The following CTNND1 variants were observed in gnomAD, a reference collection of about 807,000 sequenced individuals.
The protein encoded by CTNND1 is catenin delta-1.
Under a neutral mutation model 112.1 loss-of-function variants are expected in CTNND1, and 16 were observed. The ratio of observed to expected loss-of-function variants is 0.14; its 90% CI spans 0.10 to 0.22. CTNND1 has a LOEUF of 0.22. Ranked by LOEUF, CTNND1 falls within the 10% of genes least tolerant of loss-of-function variation. The pLI, the probability that CTNND1 is intolerant of heterozygous loss-of-function variation, is 1.00. For synonymous variants in CTNND1, 420 were observed against 446.5 expected (o/e 0.94, Z 0.75); for missense variants, 1,008 against 1,257.0 (o/e 0.80, Z 3.00).
intron 17 of CTNND1, among the ~76,000 whole-genome samples, chr11:57,812,915 C>T (rs149056439): frequency 3.8e-4 from 58 of 152,282 alleles, no homozygotes; most frequent in African/African-American, 1.3e-3. Flanking sequence ...AAAACGAATG[C>T]GATAAGCTTG....
intron 1 of CTNND1, among the ~76,000 whole-genome samples, chr11:57,785,550 G>T (rs576786): frequency 0.91 from 138,528 of 151,452 alleles, 64,045 homozygotes; most frequent in East Asian, 0.99. Flanking sequence ...TGATTTTTTT[G>T]TGTGTGTGTG....
chr11:57,783,216 G>T (rs977387613), intron 1 of CTNND1, among the ~76,000 whole-genome samples: 2 of 152,162 alleles, frequency 1.3e-5, no homozygotes, highest in African/African-American at 4.8e-5. Flanking sequence ...AACCTGGGAG[G>T]TGGAGGTTGC....
intron 6 of CTNND1, among the ~76,000 whole-genome samples, chr11:57,799,157 T>C (rs918350853): frequency 4.6e-5 from 7 of 152,216 alleles, no homozygotes; most frequent in Non-Finnish European, 8.8e-5. Flanking sequence ...TCAGGTGTCT[T>C]GGATAGCTAA....
chr11:57,805,001 C>T (rs754142430), intron 9 of CTNND1, among the ~76,000 whole-genome samples: 20 of 152,166 alleles, frequency 1.3e-4, no homozygotes, highest in African/African-American at 3.6e-4. Flanking sequence ...TGGGTTCAAG[C>T]GATTCTCATG....
At chr11:57,803,844 G>T in intron 8 of CTNND1, 40 bp downstream of exon 8, 3 of 1,427,978 alleles carry the variant, frequency 2.1e-6, no homozygotes, top group Non-Finnish European at 1.9e-6. Context: ...ATGAATTTTT[G>T]AGGACTGACT....
chr11:57,793,699 G>A (rs2061019964), intron 3 of CTNND1, among the ~76,000 whole-genome samples: 1 of 152,186 alleles, frequency 6.6e-6, no homozygotes, highest in African/African-American at 2.4e-5. Context: ...TTGAGCACCT[G>A]TTATGTGCCA....
At chr11:57,804,467 A>G (rs913351488) in intron 8 of CTNND1, among the ~76,000 whole-genome samples, 196 bp from the exon 9 acceptor site, 1 of 152,012 alleles carries the variant, frequency 6.6e-6, no homozygotes, top group Non-Finnish European at 1.5e-5. Context: ...ATTAATCCCT[A>G]CCCCACAGTG....
intron 6 of CTNND1, 142 bp from the exon 7 acceptor site, chr11:57,801,591 A>T: frequency 3.0e-6 from 2 of 661,578 alleles, no homozygotes; most frequent in Non-Finnish European, 5.2e-6. Context: ...ATTGATCAGT[A>T]TATTATTCAT....
At chr11:57,791,720 C>A (rs2060768465) in intron 3 of CTNND1, 47 bp downstream of exon 3, 3 of 1,475,786 alleles carry the variant, frequency 2.0e-6, no homozygotes, top group Non-Finnish European at 2.7e-6. Flanking sequence ...TTGGCATGGT[C>A]ACAGAGAGGC....
intron 19 of CTNND1, 90 bp downstream of exon 19, chr11:57,815,590 A>C (rs772833163): frequency 2.7e-6 from 3 of 1,112,708 alleles, no homozygotes; most frequent in East Asian, 4.7e-5. Flanking sequence ...AAGTACAGAG[A>C]AAGATCGCAT....
intron 6 of CTNND1, among the ~76,000 whole-genome samples, chr11:57,799,182 G>T (rs1014047627): frequency 6.6e-6 from 1 of 152,178 alleles, no homozygotes; most frequent in African/African-American, 2.4e-5. Context: ...ACTCCCATGT[G>T]ACTCATTTTT....
At chr11:57,780,071 T>TG (rs1555043139) in intron 1 of CTNND1, among the ~76,000 whole-genome samples, 3 of 129,186 alleles carry the variant, frequency 2.3e-5, no homozygotes, top group African/African-American at 8.4e-5. Flanking sequence ...TTTTTTTTTT[T>TG]GAGACAGGGT....
At chr11:57,767,441 G>C (rs949092625) in intron 1 of CTNND1, among the ~76,000 whole-genome samples, 1 of 152,088 alleles carries the variant, frequency 6.6e-6, no homozygotes, top group Non-Finnish European at 1.5e-5. Flanking sequence ...CATTTGCCTA[G>C]GTATCATTTG....
chr11:57,795,064 TGAGCCTGTA>T (rs1245793815), intron 4 of CTNND1, among the ~76,000 whole-genome samples: 3 of 152,050 alleles, frequency 2.0e-5, no homozygotes, highest in Non-Finnish European at 4.4e-5. Context: ...CATGGTGGCG[TGAGCCTGTA>T]GTTCTAGCTA....
chr11:57,803,020 A>T (rs1037427125), intron 7 of CTNND1, among the ~76,000 whole-genome samples: 2 of 152,206 alleles, frequency 1.3e-5, no homozygotes, highest in Non-Finnish European at 2.9e-5. Context: ...TCCTCATAAC[A>T]AAGAATCATC....
chr11:57,783,615 C>G (rs528561634), intron 1 of CTNND1, among the ~76,000 whole-genome samples: 1 of 151,398 alleles, frequency 6.6e-6, no homozygotes, highest in East Asian at 1.9e-4. Context: ...GCCGAGATCG[C>G]GCCACTGCAC....
intron 1 of CTNND1, among the ~76,000 whole-genome samples, chr11:57,780,053 T>C (rs2059405447): frequency 2.6e-5 from 2 of 75,954 alleles, no homozygotes; most frequent in Admixed American, 4.4e-4. Flanking sequence ...GGAACTAGAA[T>C]GACTTTTTTT....
intron 14 of CTNND1, among the ~76,000 whole-genome samples, chr11:57,809,051 T>C (rs2063036164): frequency 6.6e-6 from 1 of 152,212 alleles, no homozygotes; most frequent in South Asian, 2.1e-4. Context: ...ATTTACACTT[T>C]CAATGTGGTT....
At position 57,794,005 on chromosome 11, in the gene CTNND1, T is replaced by TTC. The variant is rs780381774; in HGVS notation, c.196-4_196-3dup. 6.2e-7 allele frequency: 1 copy of TTC among 1,613,996 alleles called. No homozygotes were observed. Among genetic ancestry groups the TTC allele is most frequent in the Admixed American group, 1.7e-5 (1 of 60,024 alleles). ...TGAATTGTCTTCTTGTGGGCTGTGTTTCAGAACGGCCGGTTTGTGGGCGAT... is the reference window on the plus strand; with the variant it reads ...TGAATTGTCTTCTTGTGGGCTGTGTTTCTCAGAACGGCCGGTTTGTGGGCGAT... On this transcript the variant is annotated splice_polypyrimidine_tract_variant and splice_region_variant and intron_variant, in intron 3 of 20. Transcript: ENST00000399050.
Sources: gnomAD v4.1 joint callset for allele counts (sites outside exome capture counted in the v4.1 genomes callset) on GRCh38, gnomAD v4.1.1 for gene constraint, MANE v1.5 for transcripts, NCBI Gene and HGNC (gene_info 2026-07-23, HGNC 2026-07-21) for gene names.